Variants in GCNT1 observed in about 807,000 individuals in gnomAD.
The protein encoded by GCNT1 is glucosaminyl (N-acetyl) transferase 1, also known as beta-1,3-galactosyl-O-glycosyl-glycoprotein beta-1,6-N-acetylglucosaminyltransferase.
Under a neutral mutation model 26.2 loss-of-function variants are expected in GCNT1, and 16 were observed. The observed-to-expected ratio is 0.61, with a 90% CI of 0.41 to 0.93. GCNT1 has a LOEUF of 0.93. GCNT1 is among the 40% of genes least tolerant of loss of function. The probability of loss-of-function intolerance (pLI) is 0.00; values close to 1 mark genes in which losing one functional copy is unlikely to be tolerated. For missense variants in GCNT1, 477 were observed against 526.7 expected, an observed-to-expected ratio of 0.91 and a Z score of 0.92; for synonymous variants, 183 against 190.8, an observed-to-expected ratio of 0.96 and a Z score of 0.34.
At chr9:76,404,536 T>C in the GCNT1 span, among the ~76,000 whole-genome samples, 1 of 152,214 alleles carries the variant, frequency 6.6e-6, no homozygotes, top group South Asian at 2.1e-4. Flanking sequence ...AAAACTGACC[T>C]GGTTGTGAAA....
chr9:76,426,818 A>G (rs189438107), intron 1 of GCNT1, among the ~76,000 whole-genome samples: 53 of 152,104 alleles, frequency 3.5e-4, no homozygotes, highest in Admixed American at 1.2e-3. Flanking sequence ...GGCTGAGGCA[A>G]GAGAATCGCT....
intron 1 of GCNT1, among the ~76,000 whole-genome samples, chr9:76,445,938 T>G (rs1823570773): frequency 6.6e-6 from 1 of 152,058 alleles, no homozygotes; most frequent in Non-Finnish European, 1.5e-5. Context: ...TGTGGTCAAT[T>G]ACACCACTGG....
chr9:76,397,609 A>C, the GCNT1 span, among the ~76,000 whole-genome samples: 28 of 151,862 alleles, frequency 1.8e-4, no homozygotes, highest in Admixed American at 1.5e-3. Context: ...ACGCCCGGCT[A>C]ATTTTTGCAT....
chr9:76,480,442 T>C (rs1178552969), intron 2 of GCNT1, among the ~76,000 whole-genome samples: 5 of 152,212 alleles, frequency 3.3e-5, no homozygotes, highest in Admixed American at 6.5e-5. Context: ...TAAATTACCT[T>C]GGGCAGTATG....
chr9:76,409,210 T>G, the GCNT1 span, among the ~76,000 whole-genome samples: 1 of 152,194 alleles, frequency 6.6e-6, no homozygotes, highest in African/African-American at 2.4e-5. Flanking sequence ...CTATTTTACT[T>G]AAATTATAAG....
chr9:76,496,331 C>T (rs142341398), intron 2 of GCNT1, among the ~76,000 whole-genome samples: 1 of 152,226 alleles, frequency 6.6e-6, no homozygotes, highest in Non-Finnish European at 1.5e-5. Context: ...CCGCATCCCC[C>T]CTTCAGAGGG....
intron 3 of GCNT1, among the ~76,000 whole-genome samples, chr9:76,501,465 G>A (rs1825067391): frequency 6.6e-6 from 1 of 152,182 alleles, no homozygotes; most frequent in Non-Finnish European, 1.5e-5. Context: ...AGTTATTACA[G>A]TCTGTTATAA....
the GCNT1 span, chr9:76,394,124 GA>G: frequency 1.9e-6 from 3 of 1,609,550 alleles, no homozygotes; most frequent in Non-Finnish European, 2.5e-6. Flanking sequence ...AGCCGCGGCC[GA>G]AGCCCCGCAC....
the GCNT1 span, among the ~76,000 whole-genome samples, chr9:76,412,783 A>G: frequency 1.1e-4 from 16 of 152,144 alleles, no homozygotes; most frequent in Non-Finnish European, 2.1e-4. Flanking sequence ...CCACCTCCCT[A>G]TCAGACAGCT....
intron 3 of GCNT1, among the ~76,000 whole-genome samples, chr9:76,501,468 T>C (rs998495762): frequency 6.6e-6 from 1 of 152,256 alleles, no homozygotes; most frequent in Non-Finnish European, 1.5e-5. Flanking sequence ...TATTACAGTC[T>C]GTTATAACTA....
intron 2 of GCNT1, among the ~76,000 whole-genome samples, chr9:76,482,565 A>G (rs1392728662): frequency 1.3e-5 from 2 of 151,866 alleles, no homozygotes; most frequent in Non-Finnish European, 2.9e-5. Flanking sequence ...CAGAGCTTGC[A>G]GTGAGCCAAG....
chr9:76,484,915 A>G (rs1564241359), intron 2 of GCNT1, among the ~76,000 whole-genome samples: 2 of 151,052 alleles, frequency 1.3e-5, no homozygotes, highest in African/African-American at 4.9e-5. Context: ...CAGCCTCCAG[A>G]GTAGCTGGGA....
chr9:76,462,113 A>G (rs550802073), intron 2 of GCNT1, among the ~76,000 whole-genome samples: 1 of 151,690 alleles, frequency 6.6e-6, no homozygotes, highest in African/African-American at 2.4e-5. Context: ...TCTGTTTTCT[A>G]TGAAGTGTGT....
rs768749201 is a variant in GCNT1 at position 76,502,596 on chromosome 9, A to AG, written c.217dup (p.Val73GlyfsTer4). 8.8e-5 allele frequency: 142 copies of AG among 1,613,788 alleles called. No homozygotes were observed. The highest frequency in any genetic ancestry group is 1.1e-4 in the Non-Finnish European group (129 of 1,179,836). ...CAGGGTGATGTAAATGAAATCCAAA[A>AG]GGTAAAGCTTGAGATCCTAACAGTG... On this transcript the variant is annotated frameshift_variant, in exon 4 of 4. Transcript: ENST00000376730. LOFTEE classifies it high-confidence loss of function.
chr9:76,450,718 A>G (rs1047571747), intron 1 of GCNT1, among the ~76,000 whole-genome samples: 3 of 152,056 alleles, frequency 2.0e-5, no homozygotes, highest in Non-Finnish European at 2.9e-5. Context: ...CCCTTTGCCC[A>G]TTTTTCACCT....
intron 2 of GCNT1, among the ~76,000 whole-genome samples, chr9:76,472,887 TAC>T (rs1824170436): frequency 6.6e-6 from 1 of 151,986 alleles, no homozygotes; most frequent in African/African-American, 2.4e-5. Context: ...TAGCTGGGAT[TAC>T]AGGCGCCTGC....
rs148339241 is a variant in GCNT1, at chr9:76,487,680, C to A, written c.-289-13236C>A. On this transcript the variant is annotated intron_variant, in intron 2 of 3. Transcript: ENST00000376730. The stretch of plus-strand genomic sequence containing the variant: ...TTGACCTGGGGATTCTCTTTTTTTT[C>A]TTCTTCGGTTAGATCTCCTTTCTGA... 4.3e-3 allele frequency among the ~76,000 whole-genome samples: 636 copies of A among 148,736 alleles called. 10 individuals carry two copies. The highest frequency in any genetic ancestry group is 0.015 in the African/African-American group (607 of 41,168).
At chr9:76,458,283 C>T (rs531855365), upstream of GCNT1, among the ~76,000 whole-genome samples, 14 of 147,496 alleles carry the variant, frequency 9.5e-5, no homozygotes, top group South Asian at 2.4e-3. Flanking sequence ...CCCGGGTTCA[C>T]GCCATTCTCC....
chr9:76,394,936 G>C, the GCNT1 span, among the ~76,000 whole-genome samples: 2 of 152,170 alleles, frequency 1.3e-5, no homozygotes, highest in African/African-American at 4.8e-5. Flanking sequence ...AGAAGCGGTC[G>C]TCCTCCAGGA....
Sources: gnomAD v4.1 joint callset for allele counts (sites outside exome capture counted in the v4.1 genomes callset) on GRCh38, gnomAD v4.1.1 for gene constraint, MANE v1.5 for transcripts, NCBI Gene and HGNC (gene_info 2026-07-23, HGNC 2026-07-21) for gene names.